MLIP: variants seen among roughly 807,000 people sequenced by gnomAD.
MLIP encodes the protein muscular LMNA interacting protein.
A neutral mutation model predicts 84.8 loss-of-function variants in MLIP; 79 were observed. The observed-to-expected ratio is 0.93, with a 90% CI of 0.78 to 1.12. MLIP has a LOEUF of 1.12. MLIP is among the 50% of genes most tolerant of loss of function. The pLI is 0.00. For synonymous variants in MLIP, 504 were observed against 463.0 expected, an observed-to-expected ratio of 1.09 and a Z score of -1.14; for missense variants, 1,257 against 1,160.6, an observed-to-expected ratio of 1.08 and a Z score of -1.21.
At chr6:54,160,914 T>C in intron 8 of MLIP, 115 bp downstream of exon 8, 1 of 798,408 alleles carries the variant, frequency 1.3e-6, no homozygotes. Flanking sequence ...TGAATAGCAA[T>C]CAGTCTTTTT....
chr6:54,119,824 C>T (rs1423453286), intron 1 of MLIP, among the ~76,000 whole-genome samples: 1 of 152,074 alleles, frequency 6.6e-6, no homozygotes, highest in East Asian at 1.9e-4. Flanking sequence ...GTTTTATCTA[C>T]AACAAAAGTG....
In MLIP at chr6:54,239,124, A is replaced by G. The variant is rs115204210; in HGVS notation, c.2922+8207A>G. Among the ~76,000 whole-genome samples, 361 of 152,042 alleles carry G rather than the reference A, an allele frequency of 2.4e-3. 2 individuals carry two copies. Among genetic ancestry groups the G allele is most frequent in the African/African-American group, 8.3e-3 (345 of 41,472 alleles). The stretch of plus-strand genomic sequence containing the variant: ...TTTATATCTGGAGTAGTCTCTTAAA[A>G]AATCTCTACCACTATAGCTTTCACT... On this transcript the variant is annotated intron_variant, in intron 12 of 13. Transcript: ENST00000502396.
At position 54,265,005 on chromosome 6, in the gene MLIP, A is replaced by T. The variant is rs140145049; in HGVS notation, c.2977-945A>T. Among the ~76,000 whole-genome samples, 135 of 152,240 alleles carry T rather than the reference A, an allele frequency of 8.9e-4. 1 individual carries two copies. The highest frequency in any genetic ancestry group is 3.2e-3 in the African/African-American group (131 of 41,562). ...ACCTTGCACATAGGAGCCAGCTCTA[A>T]GTCACCACTGCTTCTTCACCTCATG... On this transcript the variant is annotated intron_variant, in intron 13 of 13. Transcript: ENST00000502396.
At chr6:54,160,637 G>A in intron 7 of MLIP, 38 bp downstream of exon 7, 3 of 1,566,140 alleles carry the variant, frequency 1.9e-6, no homozygotes, top group Non-Finnish European at 2.6e-6. Context: ...TCAAACATTT[G>A]CTTTGCTTCT....
chr6:54,202,537 A>G (rs867494877), intron 11 of MLIP, among the ~76,000 whole-genome samples: 2 of 150,898 alleles, frequency 1.3e-5, no homozygotes, highest in Non-Finnish European at 2.9e-5. Flanking sequence ...GTTGCTCTCT[A>G]TAAAGACATC....
At chr6:54,232,927 ATTC>A (rs1340196632) in intron 12 of MLIP, among the ~76,000 whole-genome samples, 1 of 152,122 alleles carries the variant, frequency 6.6e-6, no homozygotes, top group Non-Finnish European at 1.5e-5. Context: ...AACAGGTTGT[ATTC>A]TTCTTCTGCT....
intron 10 of MLIP, among the ~76,000 whole-genome samples, chr6:54,200,909 G>C (rs1257332729): frequency 1.3e-5 from 2 of 152,174 alleles, no homozygotes; most frequent in African/African-American, 4.8e-5. Flanking sequence ...AGAGCAGAGA[G>C]ATAGATGTAG....
chr6:54,039,506 G>C (rs1764625066), intron 1 of MLIP, among the ~76,000 whole-genome samples: 1 of 151,862 alleles, frequency 6.6e-6, no homozygotes, highest in Non-Finnish European at 1.5e-5. Flanking sequence ...GTGTCTCTCA[G>C]ATTTAAAGAT....
intron 1 of MLIP, among the ~76,000 whole-genome samples, chr6:54,020,683 C>G (rs1763446662): frequency 6.6e-6 from 1 of 152,220 alleles, no homozygotes; most frequent in African/African-American, 2.4e-5. Flanking sequence ...CTGACTCTAT[C>G]TTGAATACAG....
chr6:54,133,504 A>G (rs1030619330), intron 3 of MLIP, among the ~76,000 whole-genome samples: 1 of 152,218 alleles, frequency 6.6e-6, no homozygotes, highest in Non-Finnish European at 1.5e-5. Context: ...TACGATCCAC[A>G]TCTGGTGCTG....
chr6:54,108,314 G>C (rs1174224995), upstream of MLIP, among the ~76,000 whole-genome samples: 1 of 152,168 alleles, frequency 6.6e-6, no homozygotes, highest in Non-Finnish European at 1.5e-5. Context: ...ATGACTTTTT[G>C]TCTATAGAAA....
At chr6:54,135,998 T>G (rs1178229519) in intron 3 of MLIP, among the ~76,000 whole-genome samples, 2 of 152,324 alleles carry the variant, frequency 1.3e-5, no homozygotes, top group African/African-American at 4.8e-5. Flanking sequence ...CGGGCTTCTT[T>G]TGACACAAAA....
upstream of MLIP, among the ~76,000 whole-genome samples, chr6:54,108,626 A>G (rs1426719172): frequency 2.0e-5 from 3 of 152,232 alleles, no homozygotes; most frequent in Non-Finnish European, 2.9e-5. Context: ...AGTTAATAAA[A>G]CAAGGGAAAG....
At chr6:54,185,064 C>T (rs140229243) in intron 9 of MLIP, among the ~76,000 whole-genome samples, 1 of 152,296 alleles carries the variant, frequency 6.6e-6, no homozygotes, top group East Asian at 1.9e-4. Flanking sequence ...CTTTTCCCAT[C>T]ATCTGCTTAG....
chr6:54,106,740 A>C (rs541951987), upstream of MLIP, among the ~76,000 whole-genome samples: 3 of 152,364 alleles, frequency 2.0e-5, no homozygotes, highest in African/African-American at 7.2e-5. Context: ...CAATTAATTC[A>C]GATTCAGATG....
At chr6:54,197,164 C>T (rs1275060729) in intron 10 of MLIP, among the ~76,000 whole-genome samples, 1 of 152,006 alleles carries the variant, frequency 6.6e-6, no homozygotes, top group East Asian at 1.9e-4. Context: ...GTAGGCATTG[C>T]TTTGTAGGCA....
At chr6:54,097,070 G>A (rs1006219306) in intron 1 of MLIP, among the ~76,000 whole-genome samples, 3 of 152,188 alleles carry the variant, frequency 2.0e-5, no homozygotes, top group Admixed American at 2.0e-4. Flanking sequence ...TGTTAGGGAA[G>A]AGTTAGAAAT....
intron 3 of MLIP, among the ~76,000 whole-genome samples, chr6:54,125,775 G>T (rs183880113): frequency 2.0e-5 from 3 of 152,182 alleles, no homozygotes; most frequent in Non-Finnish European, 2.9e-5. Flanking sequence ...CCAGGCATTT[G>T]CAATCAACCC....
intron 11 of MLIP, among the ~76,000 whole-genome samples, chr6:54,210,830 G>A (rs1310867614): frequency 1.3e-5 from 2 of 151,504 alleles, no homozygotes; most frequent in Non-Finnish European, 2.9e-5. Context: ...TTCCTTATGA[G>A]CCTTAAGATC....
Sources: gnomAD v4.1 joint callset for allele counts (sites outside exome capture counted in the v4.1 genomes callset) on GRCh38, gnomAD v4.1.1 for gene constraint, MANE v1.5 for transcripts, NCBI Gene and HGNC (gene_info 2026-07-23, HGNC 2026-07-21) for gene names.